Variants in MIPOL1 observed in about 807,000 individuals in gnomAD.
MIPOL1 encodes mirror-image polydactyly 1, also known as mirror-image polydactyly gene 1 protein.
A neutral mutation model predicts 60.9 loss-of-function variants in MIPOL1; 57 were observed. The ratio of observed to expected loss-of-function variants is 0.94; its 90% CI spans 0.76 to 1.17. The LOEUF is 1.17. MIPOL1 is among the 50% of genes most tolerant of loss of function. MIPOL1 has a pLI of 0.00. For synonymous variants in MIPOL1, 179 were observed against 168.8 expected, an observed-to-expected ratio of 1.06 and a Z score of -0.47; for missense variants, 551 against 511.6, an observed-to-expected ratio of 1.08 and a Z score of -0.74.
chr14:37,306,575 GATAAC>G (rs143671718), intron 7 of MIPOL1, among the ~76,000 whole-genome samples: 4,133 of 151,810 alleles, frequency 0.027, 202 homozygotes, highest in African/African-American at 0.094. Flanking sequence ...GGCAATAAAA[GATAAC>G]ATAAGATAAA....
intron 11 of MIPOL1, among the ~76,000 whole-genome samples, chr14:37,492,830 T>A (rs1163195437): frequency 6.6e-6 from 1 of 152,148 alleles, no homozygotes; most frequent in African/African-American, 2.4e-5. Flanking sequence ...CATCTTTAGC[T>A]TCTATTCACT....
chr14:37,487,321 C>T (rs1312265180), intron 11 of MIPOL1, among the ~76,000 whole-genome samples: 2 of 151,842 alleles, frequency 1.3e-5, no homozygotes, highest in East Asian at 1.9e-4. Context: ...GTCTCTGCCA[C>T]GTTTTGGTAT....
At chr14:37,401,768 A>G (rs2093486700) in intron 10 of MIPOL1, 1 of 152,144 alleles carries the variant, frequency 6.6e-6, no homozygotes, top group Non-Finnish European at 1.5e-5. Flanking sequence ...TTGTATAAGA[A>G]TCAGTGGAAG....
intron 7 of MIPOL1, among the ~76,000 whole-genome samples, chr14:37,306,780 G>A (rs1391978038): frequency 3.3e-5 from 5 of 151,664 alleles, no homozygotes; most frequent in Non-Finnish European, 7.4e-5. Flanking sequence ...CACAATTCTT[G>A]TAGAGCAAAC....
intron 1 of MIPOL1, among the ~76,000 whole-genome samples, chr14:37,214,537 A>T (rs559893243): frequency 3.9e-5 from 6 of 152,194 alleles, no homozygotes; most frequent in Admixed American, 1.3e-4. Flanking sequence ...AAGAACATTT[A>T]TACTAGATAT....
chr14:37,439,559 T>C (rs1411659503), intron 11 of MIPOL1, among the ~76,000 whole-genome samples: 1 of 152,156 alleles, frequency 6.6e-6, no homozygotes, highest in East Asian at 1.9e-4. Context: ...AAAGCCTAAA[T>C]ACATTTTTGA....
At chr14:37,240,092 C>T (rs913860106) in intron 1 of MIPOL1, among the ~76,000 whole-genome samples, 4 of 151,976 alleles carry the variant, frequency 2.6e-5, no homozygotes, top group South Asian at 2.1e-4. Flanking sequence ...AATTATGGCT[C>T]AATTATAAAA....
intron 3 of MIPOL1, among the ~76,000 whole-genome samples, chr14:37,254,655 T>C (rs1974633767): frequency 6.6e-6 from 1 of 151,796 alleles, no homozygotes; most frequent in South Asian, 2.1e-4. Context: ...ATTCGTGAGC[T>C]AATAGGATTT....
At chr14:37,356,934 C>G (rs1056293113) in intron 9 of MIPOL1, among the ~76,000 whole-genome samples, 19 of 152,118 alleles carry the variant, frequency 1.2e-4, no homozygotes, top group African/African-American at 4.6e-4. Flanking sequence ...CTCCTCCCCC[C>G]AGGATCTCAT....
intron 11 of MIPOL1, among the ~76,000 whole-genome samples, chr14:37,429,596 A>G (rs2094024005): frequency 6.6e-6 from 1 of 152,150 alleles, no homozygotes; most frequent in Non-Finnish European, 1.5e-5. Flanking sequence ...AAGTGGAATA[A>G]ACATTAACCC....
chr14:37,216,987 G>A (rs1245555191), intron 1 of MIPOL1, among the ~76,000 whole-genome samples: 1 of 152,004 alleles, frequency 6.6e-6, no homozygotes, highest in African/African-American at 2.4e-5. Context: ...AAAACAATAT[G>A]GCTTTTTGAA....
chr14:37,270,861 A>G (rs1187879561), intron 6 of MIPOL1, among the ~76,000 whole-genome samples: 1 of 152,104 alleles, frequency 6.6e-6, no homozygotes, highest in Non-Finnish European at 1.5e-5. Context: ...TTCAACCAGC[A>G]GTTCAAATAC....
intron 9 of MIPOL1, among the ~76,000 whole-genome samples, chr14:37,322,945 A>C (rs1206604505): frequency 6.6e-6 from 1 of 152,066 alleles, no homozygotes; most frequent in African/African-American, 2.4e-5. Context: ...TTGTGATGAT[A>C]GTTTCTTTTG....
intron 9 of MIPOL1, among the ~76,000 whole-genome samples, chr14:37,347,842 G>A (rs998919920): frequency 1.3e-5 from 2 of 152,166 alleles, no homozygotes; most frequent in Admixed American, 1.3e-4. Context: ...AAGAGTGTGA[G>A]AACAAAAGAA....
At chr14:37,390,670 G>A (rs1467401961) in intron 10 of MIPOL1, among the ~76,000 whole-genome samples, 1 of 152,000 alleles carries the variant, frequency 6.6e-6, no homozygotes, top group Non-Finnish European at 1.5e-5. Context: ...GAAATTAGAT[G>A]AGCTTAGCAG....
intron 11 of MIPOL1, among the ~76,000 whole-genome samples, chr14:37,435,451 AT>A (rs746516581): frequency 5.3e-5 from 8 of 151,034 alleles, no homozygotes; most frequent in African/African-American, 1.7e-4. Flanking sequence ...CTTTATTATT[AT>A]TTTTTTTCAT....
chr14:37,248,118 G>A (rs1973467319), intron 3 of MIPOL1, among the ~76,000 whole-genome samples: 1 of 151,022 alleles, frequency 6.6e-6, no homozygotes, highest in Admixed American at 6.6e-5. Context: ...AGAGAGAAAG[G>A]GACACACACA....
At chr14:37,416,779 C>G (rs535657836) in intron 10 of MIPOL1, among the ~76,000 whole-genome samples, 1 of 152,276 alleles carries the variant, frequency 6.6e-6, no homozygotes, top group East Asian at 1.9e-4. Flanking sequence ...CAAGACCTCT[C>G]AGGGACTTGG....
intron 9 of MIPOL1, among the ~76,000 whole-genome samples, chr14:37,324,956 A>G (rs2088991390): frequency 6.6e-6 from 1 of 152,084 alleles, no homozygotes; most frequent in African/African-American, 2.4e-5. Context: ...TAAATTTCTA[A>G]GACAACCATT....
Sources: allele counts gnomAD v4.1 joint callset (sites outside exome capture counted in the v4.1 genomes callset), GRCh38; gene constraint gnomAD v4.1.1; transcripts MANE v1.5; gene names NCBI Gene and HGNC (gene_info 2026-07-23, HGNC 2026-07-21).